HFM1: variants seen among roughly 807,000 people sequenced by gnomAD.
HFM1 encodes helicase for meiosis 1, also known as probable ATP-dependent DNA helicase HFM1.
HFM1 carries 169 observed loss-of-function variants against 192.1 expected under a neutral mutation model. The ratio of observed to expected loss-of-function variants is 0.88; its 90% confidence interval spans 0.78 to 1.00. HFM1 has a LOEUF of 1.00. Among genes scored for constraint, HFM1 ranks in the 50% least tolerant of loss-of-function variants. HFM1 has a pLI of 0.00. For synonymous variants in HFM1, 525 were observed against 537.8 expected (o/e 0.98, Z 0.33); for missense variants, 1,661 against 1,668.0 (o/e 1.00, Z 0.07).
At chr1:91,396,497 T>TA (rs1285722918) in intron 2 of HFM1, 92 bp from the exon 3 acceptor site, 2 of 629,172 alleles carry the variant, frequency 3.2e-6, no homozygotes, top group Non-Finnish European at 5.4e-6. Flanking sequence ...ATTGGACTCT[T>TA]AAACATTCTA....
intron 13 of HFM1, among the ~76,000 whole-genome samples, chr1:91,370,163 A>T (rs1482004850): frequency 6.6e-6 from 1 of 152,214 alleles, no homozygotes; most frequent in Non-Finnish European, 1.5e-5. Context: ...CCAGAGGTAC[A>T]AGGAGGAGTT....
In HFM1 at chr1:91,296,760, T is replaced by G. The variant is rs189385112; in HGVS notation, c.3391+16589A>C. On this transcript the variant is annotated intron_variant, in intron 30 of 38. Coordinates refer to ENST00000370425, the MANE Select transcript of HFM1 (RefSeq NM_001017975.6). Reference sequence around the variant, plus strand: ...ATCTTTTGTTATTCTATTACAAGGTTGATATTTTATACTACTGTAAATGCT... The same window carrying G: ...ATCTTTTGTTATTCTATTACAAGGTGGATATTTTATACTACTGTAAATGCT... Among the ~76,000 whole-genome samples, 779 of 152,338 alleles carry G rather than the reference T, an allele frequency of 5.1e-3. 7 individuals are homozygous for G. Among genetic ancestry groups the G allele is most frequent in the Middle Eastern group, 0.031 (9 of 294 alleles).
intron 30 of HFM1, among the ~76,000 whole-genome samples, chr1:91,296,697 A>C (rs764773061): frequency 2.6e-5 from 4 of 152,182 alleles, no homozygotes; most frequent in Non-Finnish European, 4.4e-5. Context: ...AATTTCCCTT[A>C]AACAATGATT....
intron 1 of HFM1, among the ~76,000 whole-genome samples, chr1:91,402,763 C>T (rs1246755687): frequency 1.3e-5 from 2 of 152,184 alleles, no homozygotes; most frequent in African/African-American, 4.8e-5. Flanking sequence ...ATAAACCTCA[C>T]CAGACCAGTT....
chr1:91,292,935 A>T (rs551880304), intron 30 of HFM1, among the ~76,000 whole-genome samples: 1 of 152,312 alleles, frequency 6.6e-6, no homozygotes, highest in East Asian at 1.9e-4. Context: ...CAAACCCGAC[A>T]AAAACAGGAA....
chr1:91,293,457 A>G (rs1288758644), intron 30 of HFM1, among the ~76,000 whole-genome samples: 4 of 152,142 alleles, frequency 2.6e-5, no homozygotes, highest in Non-Finnish European at 5.9e-5. Context: ...AAGGCTCACC[A>G]TCACTGGCCA....
chr1:91,312,270 G>A (rs1035614397), intron 30 of HFM1, among the ~76,000 whole-genome samples: 6 of 152,078 alleles, frequency 3.9e-5, no homozygotes, highest in Admixed American at 6.5e-5. Flanking sequence ...TAGATCCACC[G>A]ACAGCTTGAA....
rs398103011 is a variant in HFM1 at position 91,277,504 on chromosome 1, TGG to T, written c.3392-444_3392-443del. 7.6e-3 allele frequency among the ~76,000 whole-genome samples: 302 copies of T among 39,922 alleles called. 3 individuals are homozygous for T. Among genetic ancestry groups the T allele is most frequent in the South Asian group, 0.061 (65 of 1,064 alleles). 26.2% of individuals were successfully genotyped at this position (39,922 alleles called of 152,430 possible). A position where few individuals can be genotyped will look rare whatever the true frequency, so the allele number is the denominator to read the frequency against. ...TGGTGTGTGTGTATAATCTCCCTGG[TGG>T]GTGTGTGTGTGTGTGTGTGTGTATA... On this transcript the variant is annotated intron_variant, in intron 30 of 38. Transcript: ENST00000370425.
In HFM1 at chr1:91,277,562, A is replaced by C. The variant is rs1422824064; in HGVS notation, c.3392-500T>G. ...TATATATATAATATATATACTTTAAATATGTATAATATATATACTTTATAT... is the reference window on the plus strand; with the variant it reads ...TATATATATAATATATATACTTTAACTATGTATAATATATATACTTTATAT... On this transcript the variant is annotated intron_variant, in intron 30 of 38. Coordinates refer to ENST00000370425, the MANE Select transcript of HFM1 (RefSeq NM_001017975.6). 6.0e-5 allele frequency among the ~76,000 whole-genome samples: 7 copies of C among 115,868 alleles called. No homozygotes were observed. In the South Asian group the frequency reaches 1.5e-3, roughly 25 times the overall value. 76.0% of individuals were successfully genotyped at this position (115,868 alleles called of 152,430 possible).
chr1:91,380,112 A>G lies in HFM1; in HGVS notation c.998T>C (p.Ile333Thr). 7.2e-7 allele frequency: 1 copy of G among 1,380,848 alleles called. No individual in the cohort carries two copies. Among genetic ancestry groups the G allele is most frequent in the South Asian group, 1.4e-5 (1 of 72,690 alleles). 85.5% of individuals were successfully genotyped at this position (1,380,848 alleles called of 1,614,324 possible). ...TTATAATAAATACTTACTGTAAACAATTTTAATATTCAACCATGGCAATGG... is the reference window on the plus strand; with the variant it reads ...TTATAATAAATACTTACTGTAAACAGTTTTAATATTCAACCATGGCAATGG... Reference protein sequence around the residue: ...EVPLPWLNIKIVYMAPIKALC... With the variant: ...EVPLPWLNIKTVYMAPIKALC... The change falls in exon 8 of 39, where the codon ATT (isoleucine) becomes ACT (threonine). Residue 333 changes from isoleucine to threonine, a missense_variant. Coordinates refer to ENST00000370425, the MANE Select transcript of HFM1 (RefSeq NM_001017975.6).
At chr1:91,395,999 C>G (rs770033239) in intron 3 of HFM1, among the ~76,000 whole-genome samples, 3 of 152,044 alleles carry the variant, frequency 2.0e-5, no homozygotes, top group African/African-American at 4.8e-5. Flanking sequence ...CAGGTGTACA[C>G]CACCACGCCT....
chr1:91,343,878 G>A (rs191017019), intron 19 of HFM1, among the ~76,000 whole-genome samples: 2 of 152,278 alleles, frequency 1.3e-5, no homozygotes, highest in African/African-American at 4.8e-5. Flanking sequence ...TAGAGGCTAA[G>A]TAACTTGCTC....
intron 1 of HFM1, among the ~76,000 whole-genome samples, chr1:91,401,471 G>T (rs1308862081): frequency 6.6e-6 from 1 of 152,214 alleles, no homozygotes; most frequent in Non-Finnish European, 1.5e-5. Flanking sequence ...GAATTAATCA[G>T]TCTTCTTGGG....
rs1669133153 is a variant in HFM1, at chr1:91,294,218, A to T, written c.3392-17156T>A. ...GTATAATAATAATAAATAAAATAAA[A>T]AATAATCAAAATAAAATAATGCCAA... On this transcript the variant is annotated intron_variant, in intron 30 of 38. Transcript: ENST00000370425. Among the ~76,000 whole-genome samples, 3 of 152,044 alleles carry T rather than the reference A, an allele frequency of 2.0e-5. No homozygotes were observed. The South Asian group carries it at 6.2e-4, about 31-fold the overall frequency.
chr1:91,266,545 ACTCTCGTTATTT>A (rs1665784084), intron 35 of HFM1, among the ~76,000 whole-genome samples: 1 of 152,116 alleles, frequency 6.6e-6, no homozygotes, highest in Non-Finnish European at 1.5e-5. Context: ...TTTTGCACTC[ACTCTCGTTATTT>A]ATGTACTTAC....
Position 91,277,004 on chromosome 1 carries a change from T to C in HFM1, c.3450A>G (p.Lys1150=). ...CACAGCAGTCATGTCCACATGTATGTTTACTTTTACAAAGATGATTGCATT... is the reference window on the plus strand; with the variant it reads ...CACAGCAGTCATGTCCACATGTATGCTTACTTTTACAAAGATGATTGCATT... ...NRECNHLCKS[K]HTCGHDCCKI... Residue 1150 remains lysine, a synonymous_variant, in exon 31 of 39, where the codon AAA becomes AAG. Coordinates refer to ENST00000370425, the MANE Select transcript of HFM1 (RefSeq NM_001017975.6). 2 of 1,596,706 alleles carry C rather than the reference T, an allele frequency of 1.3e-6. No homozygotes were observed. Among genetic ancestry groups the C allele is most frequent in the South Asian group, 2.3e-5 (2 of 87,172 alleles).
intron 1 of HFM1, among the ~76,000 whole-genome samples, chr1:91,403,094 C>T (rs1664474895): frequency 6.6e-6 from 1 of 152,020 alleles, no homozygotes; most frequent in Non-Finnish European, 1.5e-5. Flanking sequence ...TCCTCTCATT[C>T]CGCATTATTT....
At chr1:91,365,862 A>C (rs971384233) in intron 13 of HFM1, among the ~76,000 whole-genome samples, 1 of 152,102 alleles carries the variant, frequency 6.6e-6, no homozygotes, top group Non-Finnish European at 1.5e-5. Context: ...ATATTGATTA[A>C]GAAATTGAAG....
At chr1:91,386,677 C>T (rs1662252019) in intron 4 of HFM1, among the ~76,000 whole-genome samples, 1 of 152,060 alleles carries the variant, frequency 6.6e-6, no homozygotes, top group Non-Finnish European at 1.5e-5. Context: ...AATATAGTCA[C>T]AGTAAATAGT....
Sources: gnomAD v4.1 joint callset for allele counts (sites outside exome capture counted in the v4.1 genomes callset) on GRCh38, gnomAD v4.1.1 for gene constraint, MANE v1.5 for transcripts, NCBI Gene and HGNC (gene_info 2026-07-23, HGNC 2026-07-21) for gene names.